ERC2: variants seen among roughly 807,000 people sequenced by gnomAD.
The protein encoded by ERC2 is ERC protein 2.
Under a neutral mutation model 114.8 loss-of-function variants are expected in ERC2, and 42 were observed. The ratio of observed to expected loss-of-function variants is 0.37; its 90% CI spans 0.29 to 0.47. The LOEUF (loss-of-function observed/expected upper bound fraction) is 0.47. Ranked by LOEUF, ERC2 falls within the 20% of genes least tolerant of loss-of-function variation. ERC2 has a pLI of 0.99. For missense variants in ERC2, 939 were observed against 1,150.7 expected, an observed-to-expected ratio of 0.82 and a Z score of 2.66; for synonymous variants, 454 against 425.5, an observed-to-expected ratio of 1.07 and a Z score of -0.82.
At chr3:55,627,206 G>A (rs2148614980) in intron 17 of ERC2, among the ~76,000 whole-genome samples, 1 of 152,260 alleles carries the variant, frequency 6.6e-6, no homozygotes. Context: ...GGTGGCTCAC[G>A]CCTGTAATCC....
intron 17 of ERC2, among the ~76,000 whole-genome samples, chr3:55,677,939 T>C (rs1168413686): frequency 1.3e-5 from 2 of 152,188 alleles, no homozygotes; most frequent in African/African-American, 4.8e-5. Flanking sequence ...AGTACTGAGA[T>C]GTATATCCAG....
intron 4 of ERC2, among the ~76,000 whole-genome samples, chr3:56,169,999 G>C (rs1275370950): frequency 6.6e-6 from 1 of 152,136 alleles, no homozygotes; most frequent in African/African-American, 2.4e-5. Flanking sequence ...ATCCACAAGA[G>C]CAGAAAAGAG....
intron 6 of ERC2, among the ~76,000 whole-genome samples, chr3:56,116,669 G>C (rs2079256511): frequency 6.6e-6 from 1 of 152,112 alleles, no homozygotes; most frequent in Non-Finnish European, 1.5e-5. Flanking sequence ...CTCATGCTGT[G>C]CCCTCAACCT....
chr3:55,768,476 GAGA>G (rs1326675522), intron 14 of ERC2, among the ~76,000 whole-genome samples: 1 of 152,180 alleles, frequency 6.6e-6, no homozygotes, highest in Non-Finnish European at 1.5e-5. Context: ...TGTCATAAGA[GAGA>G]AGAACAATAA....
At chr3:56,445,947 T>C (rs2062541457) in intron 1 of ERC2, among the ~76,000 whole-genome samples, 1 of 152,180 alleles carries the variant, frequency 6.6e-6, no homozygotes, top group African/African-American at 2.4e-5. Flanking sequence ...TCTTTTTTCT[T>C]TTTATAAGAG....
chr3:56,022,968 G>C (rs1427166510), intron 7 of ERC2, among the ~76,000 whole-genome samples: 1 of 152,168 alleles, frequency 6.6e-6, no homozygotes, highest in Non-Finnish European at 1.5e-5. Flanking sequence ...GAGGAGGAGA[G>C]CTCAGACCCT....
intron 2 of ERC2, among the ~76,000 whole-genome samples, chr3:56,330,394 A>G (rs1014576462): frequency 6.6e-6 from 1 of 152,156 alleles, no homozygotes; most frequent in Admixed American, 6.5e-5. Flanking sequence ...AGCAGAGAAG[A>G]CAGTGGCCTA....
At chr3:55,832,710 T>A (rs2060661581) in intron 14 of ERC2, among the ~76,000 whole-genome samples, 1 of 152,206 alleles carries the variant, frequency 6.6e-6, no homozygotes, top group African/African-American at 2.4e-5. Context: ...CCTCTCCTCC[T>A]TCAAAGGAAC....
chr3:55,870,912 C>T (rs1421509003), intron 14 of ERC2, among the ~76,000 whole-genome samples: 1 of 152,216 alleles, frequency 6.6e-6, no homozygotes, highest in Non-Finnish European at 1.5e-5. Flanking sequence ...CCTTCTCTCC[C>T]TAGCTTCCAT....
At chr3:56,148,840 G>A (rs893026044) in intron 5 of ERC2, 137 bp downstream of exon 5, 23 of 735,830 alleles carry the variant, frequency 3.1e-5, no homozygotes, top group Middle Eastern at 4.2e-4. Flanking sequence ...AAAATCTTCC[G>A]CATTCTACTT....
intron 17 of ERC2, among the ~76,000 whole-genome samples, chr3:55,549,510 T>C (rs1271584011): frequency 6.7e-6 from 1 of 148,882 alleles, no homozygotes; most frequent in Non-Finnish European, 1.5e-5. Flanking sequence ...TGTGCTTTTG[T>C]ACGTTTTCAA....
At chr3:55,821,192 C>A (rs1338945930) in intron 14 of ERC2, among the ~76,000 whole-genome samples, 1 of 152,068 alleles carries the variant, frequency 6.6e-6, no homozygotes, top group Non-Finnish European at 1.5e-5. Context: ...GAGGAGAAAC[C>A]CTACTGTTCC....
chr3:55,894,668 G>A (rs542147356), intron 13 of ERC2, among the ~76,000 whole-genome samples: 15 of 152,236 alleles, frequency 9.9e-5, no homozygotes, highest in Middle Eastern at 3.4e-3. Flanking sequence ...TATCCTACAC[G>A]AACTAACTCA....
chr3:55,959,352 A>G (rs1429180763), intron 12 of ERC2, among the ~76,000 whole-genome samples: 1 of 152,212 alleles, frequency 6.6e-6, no homozygotes, highest in East Asian at 1.9e-4. Context: ...CCTTAAATGT[A>G]AACAGAACCC....
At chr3:55,513,002 C>T (rs1368553796) in intron 17 of ERC2, among the ~76,000 whole-genome samples, 1 of 152,244 alleles carries the variant, frequency 6.6e-6, no homozygotes, top group Non-Finnish European at 1.5e-5. Flanking sequence ...CGAATCCTGG[C>T]TTCCAGCAAT....
intron 7 of ERC2, among the ~76,000 whole-genome samples, chr3:56,055,252 C>A (rs2075960902): frequency 6.6e-6 from 1 of 152,176 alleles, no homozygotes; most frequent in Non-Finnish European, 1.5e-5. Context: ...GAGCTGGTGC[C>A]TTCTAGCTGG....
intron 17 of ERC2, among the ~76,000 whole-genome samples, chr3:55,677,634 C>T (rs907544974): frequency 3.3e-5 from 5 of 152,286 alleles, no homozygotes; most frequent in Non-Finnish European, 7.3e-5. Flanking sequence ...CGGAAGGTGA[C>T]TTACCCACGA....
intron 17 of ERC2, among the ~76,000 whole-genome samples, chr3:55,655,019 T>A (rs2060796329): frequency 6.6e-6 from 1 of 152,152 alleles, no homozygotes; most frequent in Non-Finnish European, 1.5e-5. Flanking sequence ...TACAGGCCTG[T>A]GGCAGGTGAG....
chr3:56,075,009 T>C (rs1159123243), intron 7 of ERC2, among the ~76,000 whole-genome samples: 1 of 152,150 alleles, frequency 6.6e-6, no homozygotes, highest in East Asian at 1.9e-4. Flanking sequence ...TTGATGATTA[T>C]GGTTGGGGCA....
Sources: gnomAD v4.1 joint callset for allele counts (sites outside exome capture counted in the v4.1 genomes callset) on GRCh38, gnomAD v4.1.1 for gene constraint, MANE v1.5 for transcripts, NCBI Gene and HGNC (gene_info 2026-07-23, HGNC 2026-07-21) for gene names.